The following RPH3A variants were observed in gnomAD, a reference collection of about 807,000 sequenced individuals.
RPH3A encodes the protein rabphilin-3A.
Under a neutral mutation model 102.2 loss-of-function variants are expected in RPH3A, and 48 were observed. The observed-to-expected ratio is 0.47, with a 90% CI of 0.37 to 0.60. RPH3A has a LOEUF of 0.60. RPH3A is among the 20% of genes least tolerant of loss of function. RPH3A has a pLI of 0.00. For synonymous variants in RPH3A, 310 were observed against 324.3 expected, an observed-to-expected ratio of 0.96 and a Z score of 0.47; for missense variants, 781 against 910.1, an observed-to-expected ratio of 0.86 and a Z score of 1.83.
At chr12:112,806,202 G>C (rs1217664282) in intron 2 of RPH3A, among the ~76,000 whole-genome samples, 1 of 152,218 alleles carries the variant, frequency 6.6e-6, no homozygotes, top group African/African-American at 2.4e-5. Flanking sequence ...AGGAAAGGAA[G>C]AGATACCACT....
At chr12:112,648,884 G>T (rs1261233437) in intron 1 of RPH3A, among the ~76,000 whole-genome samples, 1 of 152,064 alleles carries the variant, frequency 6.6e-6, no homozygotes, top group Non-Finnish European at 1.5e-5. Context: ...CAGTGGTGCA[G>T]TCTCGGCTCA....
intron 1 of RPH3A, among the ~76,000 whole-genome samples, chr12:112,614,328 G>T (rs2039660773): frequency 6.6e-6 from 1 of 152,000 alleles, no homozygotes; most frequent in South Asian, 2.1e-4. Flanking sequence ...TGTGAAATGG[G>T]AATAATAATA....
intron 5 of RPH3A, among the ~76,000 whole-genome samples, chr12:112,851,495 C>T (rs1204002871): frequency 1.3e-5 from 2 of 152,192 alleles, no homozygotes; most frequent in Non-Finnish European, 2.9e-5. Context: ...CCTTCCAAAG[C>T]TGCCAGAGCT....
At chr12:112,876,117 C>T (rs866142441) in intron 12 of RPH3A, among the ~76,000 whole-genome samples, 1 of 152,104 alleles carries the variant, frequency 6.6e-6, no homozygotes, top group African/African-American at 2.4e-5. Flanking sequence ...ACATAGAAAA[C>T]CTTGGTGGGT....
chr12:112,840,672 A>G (rs1196576958), intron 4 of RPH3A, among the ~76,000 whole-genome samples: 1 of 152,224 alleles, frequency 6.6e-6, no homozygotes, highest in Non-Finnish European at 1.5e-5. Context: ...GGTTCAGACC[A>G]GTACCCAGAT....
intron 1 of RPH3A, among the ~76,000 whole-genome samples, chr12:112,697,037 T>G (rs1228467800): frequency 6.6e-6 from 1 of 152,142 alleles, no homozygotes; most frequent in African/African-American, 2.4e-5. Flanking sequence ...AATATCATAC[T>G]TAATAACTGA....
In RPH3A at chr12:112,868,568, A is replaced by G; in HGVS notation, c.583A>G (p.Lys195Glu). 6.2e-7 allele frequency: 1 copy of G among 1,614,120 alleles called. No individual in the cohort carries two copies. The highest frequency in any genetic ancestry group is 8.5e-7 in the Non-Finnish European group (1 of 1,180,014). ...CCCTGAACAGCCTGCTCCTGAGCCC[A>G]AGCACCCTGCCCGGGCTCCAGCTCG... ...AAPEQPAPEP[K>E]HPARAPARGD... Residue 195 changes from lysine to glutamate, a missense_variant, in exon 8 of 22, where the codon AAG (lysine) becomes GAG (glutamate). Around this residue, in one of 2 missense-constraint regions of RPH3A, gnomAD observed 730 missense variants for 810.0 expected, o/e 0.90. Transcript: ENST00000389385.
chr12:112,654,310 C>A (rs570288213), intron 1 of RPH3A, among the ~76,000 whole-genome samples: 209 of 152,268 alleles, frequency 1.4e-3, no homozygotes, highest in African/African-American at 4.5e-3. Context: ...CTTTAAGGAG[C>A]TTTTTGAGGT....
At chr12:112,639,376 C>T (rs1324850016) in intron 1 of RPH3A, among the ~76,000 whole-genome samples, 1 of 152,120 alleles carries the variant, frequency 6.6e-6, no homozygotes, top group South Asian at 2.1e-4. Flanking sequence ...CGCTGTTATC[C>T]TTAGCAACTA....
intron 1 of RPH3A, among the ~76,000 whole-genome samples, chr12:112,767,429 G>A (rs779810284): frequency 6.6e-6 from 1 of 152,190 alleles, no homozygotes; most frequent in African/African-American, 2.4e-5. Context: ...GGATGCTGGC[G>A]TGGAACCTAC....
intron 4 of RPH3A, among the ~76,000 whole-genome samples, chr12:112,847,351 G>A (rs1488836688): frequency 6.6e-6 from 1 of 152,172 alleles, no homozygotes; most frequent in African/African-American, 2.4e-5. Flanking sequence ...AGATGCTGTG[G>A]TCAACCTGGG....
At chr12:112,749,348 G>C (rs145044824) in intron 1 of RPH3A, among the ~76,000 whole-genome samples, 97 of 152,280 alleles carry the variant, frequency 6.4e-4, no homozygotes, top group Non-Finnish European at 1.3e-3. Context: ...AGGGTGTGGG[G>C]TGCTTCCCTG....
chr12:112,631,961 C>T (rs2039809757), intron 1 of RPH3A, among the ~76,000 whole-genome samples: 1 of 152,162 alleles, frequency 6.6e-6, no homozygotes, highest in South Asian at 2.1e-4. Context: ...GTTGTGTCCC[C>T]ACTCAAATCT....
intron 1 of RPH3A, among the ~76,000 whole-genome samples, chr12:112,684,543 C>T (rs897986703): frequency 6.6e-6 from 1 of 152,112 alleles, no homozygotes; most frequent in Non-Finnish European, 1.5e-5. Context: ...ACTGGAGTTA[C>T]AGGCATGAGC....
chr12:112,830,196 A>C (rs889118320), intron 3 of RPH3A, among the ~76,000 whole-genome samples: 4 of 152,170 alleles, frequency 2.6e-5, no homozygotes, highest in Admixed American at 6.5e-5. Context: ...TACCACATTC[A>C]AATGATCCCA....
In RPH3A at chr12:112,773,145, A is replaced by AAT. The variant is rs202087966; in HGVS notation, c.-139-18988_-139-18987dup. ...TCTATATATGTAGTGTGTGTATATA[A>AAT]ATATATATATACCACAGTTTCTTTA... On this transcript the variant is annotated intron_variant, in intron 1 of 21. Transcript: ENST00000543106. Among the ~76,000 whole-genome samples the AAT allele has an allele frequency of 8.8e-3, 1,336 of 151,896 alleles. 21 individuals are homozygous for AAT. The highest frequency in any genetic ancestry group is 0.03 in the African/African-American group (1,259 of 41,380).
chr12:112,584,212 G>T (rs2039421822), intron 1 of RPH3A, among the ~76,000 whole-genome samples: 2 of 151,420 alleles, frequency 1.3e-5, no homozygotes, highest in South Asian at 4.2e-4. Context: ...TTTGTATTTT[G>T]GGGTCTCTTT....
At chr12:112,718,439 T>C (rs2040528244) in intron 1 of RPH3A, among the ~76,000 whole-genome samples, 1 of 151,982 alleles carries the variant, frequency 6.6e-6, no homozygotes, top group Admixed American at 6.6e-5. Context: ...TCTATAACAA[T>C]GATTCCCAAA....
At chr12:112,809,688 A>G (rs2041535033) in intron 2 of RPH3A, among the ~76,000 whole-genome samples, 1 of 152,200 alleles carries the variant, frequency 6.6e-6, no homozygotes, top group African/African-American at 2.4e-5. Flanking sequence ...AGACAAGGAA[A>G]GGGAGGCACA....
Sources: allele counts gnomAD v4.1 joint callset (sites outside exome capture counted in the v4.1 genomes callset), GRCh38; gene constraint gnomAD v4.1.1; regional missense constraint gnomAD v4.1.1; transcripts MANE v1.5; gene names NCBI Gene and HGNC (gene_info 2026-07-23, HGNC 2026-07-21).